POGZ: variants seen among roughly 807,000 people sequenced by gnomAD.
The protein encoded by POGZ is pogo transposable element derived with ZNF domain.
A neutral mutation model predicts 134.6 loss-of-function variants in POGZ; 17 were observed. That is an observed-to-expected ratio of 0.13 (90% CI 0.09 to 0.19). POGZ has a LOEUF of 0.19. Ranked by LOEUF, POGZ falls within the 10% of genes least tolerant of loss-of-function variation. The pLI is 1.00. For synonymous variants in POGZ, 693 were observed against 657.1 expected (o/e 1.05, Z -0.84); for missense variants, 1,306 against 1,769.7 (o/e 0.74, Z 4.70).
Position 151,403,120 on chromosome 1 carries a change from G to A in POGZ, c.*1682C>T. The A allele has an allele frequency of 1.6e-6, 1 of 642,192 alleles. No homozygotes were observed. The highest frequency in any genetic ancestry group is 1.9e-6 in the Non-Finnish European group (1 of 516,320). The allele number at this position is 642,192 out of a possible 1,614,324, so 39.8% of individuals were successfully genotyped here. ...CCAGATGGATCCTTGGTTGTTTTCA[G>A]ATGTCAAAGGTTCACAAAGCTGGCC... On this transcript the variant is annotated 3_prime_UTR_variant, in exon 19 of 19. Transcript: ENST00000271715.
intron 2 of POGZ, among the ~76,000 whole-genome samples, chr1:151,441,494 G>T (rs1404726253): frequency 6.6e-6 from 1 of 152,136 alleles, no homozygotes; most frequent in Non-Finnish European, 1.5e-5. Flanking sequence ...CTCAAGACAG[G>T]AAAGATAAAA....
rs564841287 is a variant in POGZ, at chr1:151,425,976, C to T, written c.1079-915G>A. Among the ~76,000 whole-genome samples, 5 of 152,226 alleles carry T rather than the reference C, an allele frequency of 3.3e-5. No homozygotes were observed. The East Asian group carries it at 9.6e-4, about 29-fold the overall frequency. Reference sequence around the variant, plus strand: ...TAATTTTACATTTCCACCAACAGTGCGTAAGGGTTCTGCTTTCTCCACATC... The same window carrying T: ...TAATTTTACATTTCCACCAACAGTGTGTAAGGGTTCTGCTTTCTCCACATC... On this transcript the variant is annotated intron_variant, in intron 7 of 18. Coordinates refer to ENST00000271715, the MANE Select transcript of POGZ (RefSeq NM_015100.4).
In POGZ at chr1:151,428,294, C is replaced by T. The variant is rs1658105920; in HGVS notation, c.688G>A (p.Val230Ile). ...VRPTTNTFTT[V>I]IPATLTIRST... ...CGAATGGTAAGAGTGGCCGGGATGA[C>T]GGTGGTGAAGGTGTTGGTGGTGGGC... The change falls in exon 6 of 19, where the codon GTC becomes ATC. Residue 230 changes from valine (V) to isoleucine (I), a missense_variant. By Grantham distance (29) the Val-to-Ile change is conservative (BLOSUM62 3). Around this residue, in one of 10 missense-constraint regions of POGZ, gnomAD observed 541 missense variants for 680.5 expected, o/e 0.80. Transcript: ENST00000271715. The T allele has an allele frequency of 5.0e-6, 8 of 1,613,888 alleles. No homozygotes were observed. In the East Asian group the frequency reaches 1.1e-4, roughly 22 times the overall value.
intron 1 of POGZ, among the ~76,000 whole-genome samples, chr1:151,458,684 G>GCGCCCCCGCCCC (rs951528120): frequency 6.4e-5 from 9 of 141,540 alleles, no homozygotes; most frequent in South Asian, 2.2e-4. Context: ...GCCACCGCCC[G>GCGCCCCCGCCCC]CGCCCCCGCC....
chr1:151,431,534 T>C (rs1321724817), intron 3 of POGZ, among the ~76,000 whole-genome samples: 6 of 152,176 alleles, frequency 3.9e-5, no homozygotes, highest in African/African-American at 1.4e-4. Context: ...TGCAAGATTC[T>C]TTAAGCAACC....
At position 151,405,204 on chromosome 1, in the gene POGZ, A is replaced by C; in HGVS notation, c.3831T>G (p.His1277Gln). 1 of 1,614,112 alleles carries C rather than the reference A, an allele frequency of 6.2e-7. No individual in the cohort carries two copies. Residue 1277 changes from histidine to glutamine, a missense_variant, in exon 19 of 19, where the codon CAT becomes CAG. Coordinates refer to ENST00000271715, the MANE Select transcript of POGZ (RefSeq NM_015100.4). This position sits in a 1 kb window ranked among gnomAD's most constrained non-coding sequence, Gnocchi z 4.9. ...CIKRTVKNFL[H>Q]KKWKEQAREM... The stretch of plus-strand genomic sequence containing the variant: ...CCCGAGCCTGTTCCTTCCATTTTTT[A>C]TGCAGGAAGTTCTTGACAGTTCTTT...
chr1:151,424,331 G>C, intron 8 of POGZ, 45 bp from the exon 9 acceptor site: 1 of 1,238,528 alleles, frequency 8.1e-7, no homozygotes, highest in Non-Finnish European at 1.1e-6. Flanking sequence ...CTGGGGGCTA[G>C]AATGTGCTAA....
chr1:151,452,518 T>C (rs747015005), intron 1 of POGZ, among the ~76,000 whole-genome samples: 2 of 152,006 alleles, frequency 1.3e-5, no homozygotes, highest in African/African-American at 2.4e-5. Context: ...TATTTTCTTA[T>C]AGATACTAGT....
In POGZ at chr1:151,406,989, C is replaced by G. The variant is rs548873488; in HGVS notation, c.2467G>C (p.Val823Leu). ...GCCATAGCATCGCCCACAGAGGTAACAAAGGTACATGAAGTGCAGGCCAGC... is the reference window on the plus strand; with the variant it reads ...GCCATAGCATCGCCCACAGAGGTAAGAAAGGTACATGAAGTGCAGGCCAGC... Reference protein sequence around the residue: ...IKLACTSCTFVTSVGDAMAKH... With the variant: ...IKLACTSCTFLTSVGDAMAKH... The change falls in exon 17 of 19, where the codon GTT (valine) becomes CTT (leucine). Residue 823 changes from valine (V) to leucine (L), a missense_variant. Physicochemically the swap from Val to Leu is conservative, Grantham distance 32. Coordinates refer to ENST00000271715, the MANE Select transcript of POGZ (RefSeq NM_015100.4). 4 of 1,614,080 alleles carry G rather than the reference C, an allele frequency of 2.5e-6. No individual in the cohort carries two copies. The highest frequency in any genetic ancestry group is 3.4e-6 in the Non-Finnish European group (4 of 1,180,018).
At chr1:151,453,848 A>G (rs1662446139) in intron 1 of POGZ, among the ~76,000 whole-genome samples, 1 of 152,218 alleles carries the variant, frequency 6.6e-6, no homozygotes. Flanking sequence ...AGTCTATATA[A>G]TTGTAAAGGC....
chr1:151,411,812 G>T, intron 11 of POGZ, 41 bp from the exon 12 acceptor site: 1 of 1,530,322 alleles, frequency 6.5e-7, no homozygotes, highest in South Asian at 1.3e-5. Context: ...AGAATGAAGT[G>T]AACAACTGAG....
intron 5 of POGZ, 35 bp downstream of exon 5, chr1:151,429,568 C>A: frequency 9.6e-7 from 1 of 1,042,842 alleles, no homozygotes; most frequent in South Asian, 1.3e-5. Flanking sequence ...TTCTGGATGC[C>A]AGTTTATTCC....
At chr1:151,456,280 C>G (rs1035290323) in intron 1 of POGZ, among the ~76,000 whole-genome samples, 1 of 152,162 alleles carries the variant, frequency 6.6e-6, no homozygotes, top group Non-Finnish European at 1.5e-5. Context: ...TCCTTAACCA[C>G]TGATATCATA....
intron 1 of POGZ, among the ~76,000 whole-genome samples, chr1:151,455,831 T>C (rs1662696597): frequency 6.6e-6 from 1 of 152,034 alleles, no homozygotes; most frequent in African/African-American, 2.4e-5. Flanking sequence ...AGAAGTATTT[T>C]AATAACCTTT....
intron 1 of POGZ, among the ~76,000 whole-genome samples, chr1:151,446,250 T>C (rs908936815): frequency 1.4e-5 from 1 of 72,628 alleles, no homozygotes; most frequent in Non-Finnish European, 2.8e-5. Context: ...ATCTTTCTCA[T>C]AAGGAAAAAA....
intron 10 of POGZ, among the ~76,000 whole-genome samples, chr1:151,419,278 C>T (rs751774682): frequency 6.6e-6 from 1 of 151,876 alleles, no homozygotes; most frequent in Non-Finnish European, 1.5e-5. Flanking sequence ...ACAATAATTG[C>T]TTGAACCTAG....
chr1:151,452,974 C>T (rs529588430), intron 1 of POGZ, among the ~76,000 whole-genome samples: 1 of 151,698 alleles, frequency 6.6e-6, no homozygotes, highest in African/African-American at 2.4e-5. Flanking sequence ...GCTCAGTTGC[C>T]CAGGCTGGAG....
Position 151,408,787 on chromosome 1 carries a change from A to C in POGZ, c.1968T>G (p.Phe656Leu). The C allele has an allele frequency of 6.2e-7, 1 of 1,614,074 alleles. No homozygotes were observed. The highest frequency in any genetic ancestry group is 8.5e-7 in the Non-Finnish European group (1 of 1,179,996). ...GTTCAATTTTGTCCTTGGCAAAGAG[A>C]AACTGCAGCCGGCATTTGTTGCAGT... ...VYHCNKCRLQFLFAKDKIEHK... is the reference protein window; with the variant it reads ...VYHCNKCRLQLLFAKDKIEHK... Residue 656 changes from phenylalanine to leucine, a missense_variant, in exon 13 of 19, where the codon TTT becomes TTG. By Grantham distance (22) the Phe-to-Leu change is conservative. This residue lies in a region of POGZ where 149 missense variants were observed against 237.5 expected (regional missense o/e 0.63). Transcript: ENST00000271715.
intron 1 of POGZ, among the ~76,000 whole-genome samples, chr1:151,442,915 G>T (rs991517713): frequency 1.3e-5 from 2 of 151,790 alleles, no homozygotes; most frequent in Non-Finnish European, 2.9e-5. Flanking sequence ...TGTAATCCCA[G>T]CTACTTGGGA....
Sources: allele counts gnomAD v4.1 joint callset (sites outside exome capture counted in the v4.1 genomes callset), GRCh38; gene constraint gnomAD v4.1.1; regional missense constraint gnomAD v4.1.1; non-coding constraint Gnocchi (gnomAD v3.1); transcripts MANE v1.5; gene names NCBI Gene and HGNC (gene_info 2026-07-23, HGNC 2026-07-21).